THSD4: variants seen among roughly 807,000 people sequenced by gnomAD.
THSD4 encodes the protein thrombospondin type 1 domain containing 4.
In THSD4, 69 loss-of-function variants were observed where a neutral mutation model predicts 119.0. The observed-to-expected ratio is 0.58, with a 90% CI of 0.48 to 0.71. The LOEUF is 0.71. THSD4 is among the 30% of genes least tolerant of loss of function. The pLI, the probability that THSD4 is intolerant of heterozygous loss-of-function variation, is 0.00. For missense variants in THSD4, 1,393 were observed against 1,391.1 expected (o/e 1.00, Z -0.02); for synonymous variants, 524 against 540.4 (o/e 0.97, Z 0.42).
intron 8 of THSD4, among the ~76,000 whole-genome samples, chr15:71,685,213 GAAAT>G (rs934022308): frequency 6.0e-5 from 9 of 149,168 alleles, no homozygotes; most frequent in Non-Finnish European, 1.0e-4. Context: ...AAAAAAAAAA[GAAAT>G]AAGAGTATTT....
At chr15:71,384,288 G>A (rs895430774) in intron 6 of THSD4, among the ~76,000 whole-genome samples, 3 of 152,124 alleles carry the variant, frequency 2.0e-5, no homozygotes, top group African/African-American at 7.2e-5. Flanking sequence ...TGAGGCAGGA[G>A]AATGGCGTGA....
At chr15:71,607,950 T>A (rs753067913) in intron 7 of THSD4, among the ~76,000 whole-genome samples, 1 of 152,044 alleles carries the variant, frequency 6.6e-6, no homozygotes, top group East Asian at 1.9e-4. Flanking sequence ...TAGCCTGGGC[T>A]GGGTGGCTTA....
intron 6 of THSD4, among the ~76,000 whole-genome samples, chr15:71,409,289 T>G (rs2046651327): frequency 1.3e-5 from 2 of 152,164 alleles, no homozygotes; most frequent in African/African-American, 4.8e-5. Context: ...CCAAAACCCT[T>G]GCCCAGATGA....
chr15:71,362,482 G>T (rs150042677), intron 6 of THSD4, among the ~76,000 whole-genome samples: 3 of 152,250 alleles, frequency 2.0e-5, no homozygotes, highest in African/African-American at 7.2e-5. Context: ...TCCATGGATT[G>T]CCTTTAATTT....
chr15:71,257,427 G>T (rs2044331807), intron 6 of THSD4, among the ~76,000 whole-genome samples: 1 of 152,156 alleles, frequency 6.6e-6, no homozygotes, highest in African/African-American at 2.4e-5. Flanking sequence ...TATGCTCACA[G>T]CCAAGTTGGC....
intron 8 of THSD4, among the ~76,000 whole-genome samples, chr15:71,705,411 A>G (rs899411127): frequency 7.9e-5 from 12 of 152,236 alleles, no homozygotes; most frequent in African/African-American, 2.7e-4. Flanking sequence ...TCTATTGTTA[A>G]TGAAGTATTG....
chr15:71,302,431 G>C (rs2044963404), intron 6 of THSD4, among the ~76,000 whole-genome samples: 1 of 152,174 alleles, frequency 6.6e-6, no homozygotes, highest in Admixed American at 6.5e-5. Flanking sequence ...AGCAGCAGCA[G>C]GTCCCATCCC....
chr15:71,488,929 C>T (rs1035252572), intron 7 of THSD4, among the ~76,000 whole-genome samples: 1 of 152,176 alleles, frequency 6.6e-6, no homozygotes, highest in Non-Finnish European at 1.5e-5. Flanking sequence ...TTATGCTTCT[C>T]TTCAGTTTAT....
chr15:71,391,700 C>G (rs2046381891), intron 6 of THSD4, among the ~76,000 whole-genome samples: 1 of 152,148 alleles, frequency 6.6e-6, no homozygotes, highest in Admixed American at 6.5e-5. Context: ...TTAGTGGGAA[C>G]TTTCACTGAA....
At chr15:71,166,874 C>G (rs1208722422) in intron 3 of THSD4, 2 of 152,118 alleles carry the variant, frequency 1.3e-5, no homozygotes, top group African/African-American at 4.8e-5. Flanking sequence ...ATGGTACCTC[C>G]TTGTCAAAGC....
At chr15:71,426,579 G>T (rs1323285118) in intron 7 of THSD4, among the ~76,000 whole-genome samples, 1 of 152,080 alleles carries the variant, frequency 6.6e-6, no homozygotes, top group Non-Finnish European at 1.5e-5. Context: ...GAAACCAAGA[G>T]AATAATTGGA....
At chr15:71,369,758 C>G (rs1431517984) in intron 6 of THSD4, among the ~76,000 whole-genome samples, 4 of 152,252 alleles carry the variant, frequency 2.6e-5, no homozygotes, top group South Asian at 2.1e-4. Flanking sequence ...TGTTGTGTCT[C>G]TGTCAGGCTT....
chr15:71,180,424 GGGAAGAAATGAA>G (rs1169747074), intron 3 of THSD4, among the ~76,000 whole-genome samples: 1 of 152,184 alleles, frequency 6.6e-6, no homozygotes. Flanking sequence ...ATGATAGTAA[GGGAAGAAATGAA>G]GGTTACCAAC....
At chr15:71,634,051 G>T (rs2050688654) in intron 7 of THSD4, among the ~76,000 whole-genome samples, 1 of 152,118 alleles carries the variant, frequency 6.6e-6, no homozygotes, top group African/African-American at 2.4e-5. Flanking sequence ...GCAGGGCATG[G>T]CAGTGGACGC....
chr15:71,434,063 G>A (rs190365168), intron 7 of THSD4, among the ~76,000 whole-genome samples: 5 of 152,052 alleles, frequency 3.3e-5, no homozygotes, highest in Admixed American at 3.3e-4. Context: ...ACAGACCTAG[G>A]CAAAATGTCC....
At chr15:71,593,786 C>T (rs1567052965) in intron 7 of THSD4, among the ~76,000 whole-genome samples, 1 of 152,002 alleles carries the variant, frequency 6.6e-6, no homozygotes, top group Non-Finnish European at 1.5e-5. Flanking sequence ...TGCCTGTAGT[C>T]CCAGCTACTT....
At chr15:71,688,037 G>A (rs991002361) in intron 8 of THSD4, among the ~76,000 whole-genome samples, 1 of 152,194 alleles carries the variant, frequency 6.6e-6, no homozygotes, top group African/African-American at 2.4e-5. Flanking sequence ...GTGTTCAGAT[G>A]TATTCTATGT....
chr15:71,306,978 C>A (rs1191434557), intron 6 of THSD4, among the ~76,000 whole-genome samples: 1 of 152,200 alleles, frequency 6.6e-6, no homozygotes, highest in East Asian at 1.9e-4. Flanking sequence ...TATTCAGGCA[C>A]CATCCCAGAA....
At chr15:71,690,396 C>T (rs779684871) in intron 8 of THSD4, among the ~76,000 whole-genome samples, 20 of 152,184 alleles carry the variant, frequency 1.3e-4, no homozygotes, top group Non-Finnish European at 1.3e-4. Context: ...TCTAGATAGT[C>T]ACAAGGTCGT....
Sources: gnomAD v4.1 joint callset for allele counts (sites outside exome capture counted in the v4.1 genomes callset) on GRCh38, gnomAD v4.1.1 for gene constraint, MANE v1.5 for transcripts, NCBI Gene and HGNC (gene_info 2026-07-23, HGNC 2026-07-21) for gene names.